Variants in LTA4H observed in about 807,000 individuals in gnomAD.
The protein encoded by LTA4H is leukotriene A4 hydrolase.
A neutral mutation model predicts 89.8 loss-of-function variants in LTA4H; 59 were observed. That is an observed-to-expected ratio of 0.66 (90% confidence interval 0.53 to 0.82). The LOEUF is 0.82. LTA4H is among the 40% of genes least tolerant of loss of function. The pLI is 0.00. For missense variants in LTA4H, 617 were observed against 727.0 expected, an observed-to-expected ratio of 0.85 and a Z score of 1.74; for synonymous variants, 227 against 253.1, an observed-to-expected ratio of 0.90 and a Z score of 0.98.
At chr12:96,015,042 G>A (rs763009646) in intron 11 of LTA4H, 43 bp from the exon 12 acceptor site, 2 of 1,576,728 alleles carry the variant, frequency 1.3e-6, no homozygotes, top group Admixed American at 3.6e-5. Context: ...TAGAAAGACT[G>A]CTATCACCAC....
chr12:96,014,974 G>A lies in LTA4H; in HGVS notation c.1085C>T (p.Pro362Leu), dbSNP rs926393226. The A allele has an allele frequency of 1.2e-6, 2 of 1,612,374 alleles. No homozygotes were observed. The highest frequency in any genetic ancestry group is 1.7e-6 in the Non-Finnish European group (2 of 1,179,520). The change falls in exon 12 of 19, where the codon CCT becomes CTT. Residue 362 changes from proline (P) to leucine (L), a missense_variant. This residue lies in a region of LTA4H where 290 missense variants were observed against 339.1 expected (regional missense o/e 0.86). Transcript: ENST00000228740. Reference protein sequence around the residue: ...NSVKTFGETHPFTKLVVDLTD... With the variant: ...NSVKTFGETHLFTKLVVDLTD... ...CAGATCAACCACAAGTTTGGTGAAA[G>A]GATGTGTCTCCCCAAATGTCTTTAC...
chr12:96,006,381 T>C lies in LTA4H; in HGVS notation c.1463A>G (p.Asn488Ser), dbSNP rs751009934. Residue 488 changes from asparagine to serine, a missense_variant, in exon 16 of 19, where the codon AAT becomes AGT. By Grantham distance (46) the Asn-to-Ser change is conservative (BLOSUM62 1). Coordinates refer to ENST00000228740, the MANE Select transcript of LTA4H (RefSeq NM_000895.3). ...TAKEDDLNSFNATDLKDLSSH... is the reference protein window; with the variant it reads ...TAKEDDLNSFSATDLKDLSSH... Reference sequence around the variant, plus strand: ...AGAGAGATCCTTCAGGTCTGTGGCATTGAATGAATTTAAATCATCTTCTTT... The same window carrying C: ...AGAGAGATCCTTCAGGTCTGTGGCACTGAATGAATTTAAATCATCTTCTTT... The C allele has an allele frequency of 8.1e-6, 13 of 1,610,428 alleles. No homozygotes were observed. The highest frequency in any genetic ancestry group is 4.5e-5 in the East Asian group (2 of 44,770).
At chr12:96,015,922 C>T (rs773051577) in intron 10 of LTA4H, among the ~76,000 whole-genome samples, 2 of 152,138 alleles carry the variant, frequency 1.3e-5, no homozygotes, top group South Asian at 4.1e-4. Context: ...CTTGCATGTC[C>T]CTATGTTAAA....
chr12:96,019,423 G>C (rs1950424824), intron 6 of LTA4H, among the ~76,000 whole-genome samples, 183 bp from the exon 7 acceptor site: 1 of 152,052 alleles, frequency 6.6e-6, no homozygotes, highest in African/African-American at 2.4e-5. Context: ...TGCAGCAATA[G>C]ATATGCAGCT....
chr12:96,039,703 G>A (rs1950673972), upstream of LTA4H, among the ~76,000 whole-genome samples: 1 of 152,226 alleles, frequency 6.6e-6, no homozygotes, highest in Admixed American at 6.5e-5. Flanking sequence ...GGCAACATTA[G>A]CAAAGATATG....
chr12:96,006,507 TATGA>T lies in LTA4H; in HGVS notation c.1435-102_1435-99del, dbSNP rs1231177698. 8.2e-6 allele frequency: 5 copies of T among 612,922 alleles called. No homozygotes were observed. In the East Asian group the frequency reaches 1.1e-4, roughly 14 times the overall value. 38.0% of individuals were successfully genotyped at this position (612,922 alleles called of 1,614,324 possible). A position where few individuals can be genotyped will look rare whatever the true frequency, so the allele number is the denominator to read the frequency against. On this transcript the variant is annotated intron_variant, in intron 15 of 18. Coordinates refer to ENST00000228740, the MANE Select transcript of LTA4H (RefSeq NM_000895.3). The stretch of plus-strand genomic sequence containing the variant: ...AAGTAAAAATTGAGAAAAAGAACCA[TATGA>T]ATGAACAAGATTATTCAAAATAAAT...
chr12:96,009,263 C>G (rs1393096716), intron 14 of LTA4H, 115 bp from the exon 15 acceptor site: 1 of 684,828 alleles, frequency 1.5e-6, no homozygotes, highest in Non-Finnish European at 2.5e-6. Context: ...GGAAAACAAA[C>G]TCCAAAGTGA....
chr12:96,005,880 TG>T (rs1950190184), intron 16 of LTA4H, among the ~76,000 whole-genome samples: 1 of 152,132 alleles, frequency 6.6e-6, no homozygotes, highest in Non-Finnish European at 1.5e-5. Context: ...CCTGAGTAGC[TG>T]GGATTACAGG....
intron 3 of LTA4H, 23 bp from the exon 4 acceptor site, chr12:96,024,570 G>A (rs1950491851): frequency 1.4e-6 from 2 of 1,473,844 alleles, no homozygotes; most frequent in African/African-American, 2.8e-5. Flanking sequence ...GAAACAAGAA[G>A]AAATAGCTAT....
chr12:96,037,376 T>G (rs1327597968), upstream of LTA4H, among the ~76,000 whole-genome samples: 1 of 152,056 alleles, frequency 6.6e-6, no homozygotes, highest in Non-Finnish European at 1.5e-5. Flanking sequence ...ACACCAGAAT[T>G]TATTGTTTTA....
intron 14 of LTA4H, chr12:96,010,765 C>G (rs765815638): frequency 6.6e-6 from 1 of 152,114 alleles, no homozygotes; most frequent in Non-Finnish European, 1.5e-5. Context: ...TGGAGAGTGG[C>G]TGGGAGAAGT....
chr12:96,014,313 C>A (rs1427714413), intron 12 of LTA4H: 2 of 157,440 alleles, frequency 1.3e-5, no homozygotes, highest in Non-Finnish European at 2.8e-5. Flanking sequence ...AGTATGATGG[C>A]ATTAAAAAGT....
upstream of LTA4H, among the ~76,000 whole-genome samples, chr12:96,038,490 C>T (rs1007580889): frequency 3.9e-5 from 6 of 152,032 alleles, no homozygotes; most frequent in African/African-American, 7.3e-5. Flanking sequence ...AAGCGATTCT[C>T]GTGCCTCAGC....
chr12:96,036,358 G>T (rs558415740), upstream of LTA4H, among the ~76,000 whole-genome samples: 1 of 152,074 alleles, frequency 6.6e-6, no homozygotes, highest in Non-Finnish European at 1.5e-5. Flanking sequence ...TTTAGGGTGG[G>T]GCCTCAAAAT....
At chr12:96,020,808 G>T in intron 6 of LTA4H, 1 of 310,180 alleles carries the variant, frequency 3.2e-6, no homozygotes, top group Non-Finnish European at 6.0e-6. Flanking sequence ...AGGAAACAGA[G>T]ATTGAGAGTG....
intron 14 of LTA4H, chr12:96,012,480 G>A (rs1950318300): frequency 6.6e-6 from 1 of 152,504 alleles, no homozygotes; most frequent in Admixed American, 6.5e-5. Context: ...GGGAGACAAA[G>A]GCAGGTGGAT....
upstream of LTA4H, among the ~76,000 whole-genome samples, chr12:96,040,061 C>T (rs1205093337): frequency 2.0e-5 from 3 of 152,226 alleles, no homozygotes; most frequent in East Asian, 1.9e-4. Context: ...TCAAGAATAA[C>T]GTCATGATTA....
chr12:96,026,114 G>A (rs565005009), intron 3 of LTA4H, among the ~76,000 whole-genome samples: 15 of 152,176 alleles, frequency 9.9e-5, no homozygotes, highest in Non-Finnish European at 1.6e-4. Flanking sequence ...GATGGATTAA[G>A]TAGGACTAGC....
In LTA4H at chr12:96,000,872, AAAAC is replaced by A. The variant is rs1167241143; in HGVS notation, c.*113_*116del. 4.3e-6 allele frequency: 3 copies of A among 697,394 alleles called. No individual in the cohort carries two copies. The highest frequency in any genetic ancestry group is 7.4e-6 in the Non-Finnish European group (3 of 406,618). 43.2% of individuals were successfully genotyped at this position (697,394 alleles called of 1,614,324 possible). On this transcript the variant is annotated 3_prime_UTR_variant, in exon 19 of 19. Transcript: ENST00000228740. Reference sequence around the variant, plus strand: ...ACTTTATTTCAGTAAAATCACCAACAAAACAATAAAAAGCCAAAACTAAAAAGAC... The same window carrying A: ...ACTTTATTTCAGTAAAATCACCAACAAATAAAAAGCCAAAACTAAAAAGAC...
Sources: allele counts gnomAD v4.1 joint callset (sites outside exome capture counted in the v4.1 genomes callset), GRCh38; gene constraint gnomAD v4.1.1; regional missense constraint gnomAD v4.1.1; transcripts MANE v1.5; gene names NCBI Gene and HGNC (gene_info 2026-07-23, HGNC 2026-07-21).